The following FUBP3 variants were observed in gnomAD, a reference collection of about 807,000 sequenced individuals.
FUBP3 encodes far upstream element binding protein 3.
FUBP3 carries 28 observed loss-of-function variants against 85.6 expected under a neutral mutation model. The observed-to-expected ratio is 0.33, with a 90% confidence interval of 0.24 to 0.45. The LOEUF (loss-of-function observed/expected upper bound fraction) is 0.45. FUBP3 is among the 20% of genes least tolerant of loss of function. The probability of loss-of-function intolerance (pLI) is 1.00; values close to 1 mark genes in which losing one functional copy is unlikely to be tolerated. For missense variants in FUBP3, 583 were observed against 755.1 expected, an observed-to-expected ratio of 0.77 and a Z score of 2.67; for synonymous variants, 271 against 271.4, an observed-to-expected ratio of 1.00 and a Z score of 0.01.
chr9:130,589,703 A>ATT lies in FUBP3; in HGVS notation c.85-5779_85-5778insTT, dbSNP rs1441029705. Among the ~76,000 whole-genome samples, 52 of 28,576 alleles carry ATT rather than the reference A, an allele frequency of 1.8e-3. 1 individual carries two copies. Among genetic ancestry groups the ATT allele is most frequent in the East Asian group, 9.3e-3 (7 of 752 alleles). 18.7% of individuals were successfully genotyped at this position (28,576 alleles called of 152,430 possible). A position where few individuals can be genotyped will look rare whatever the true frequency, so the allele number is the denominator to read the frequency against. On this transcript the variant is annotated intron_variant, in intron 1 of 18. Transcript: ENST00000319725. ...TATATATATATATATATATATATAT[A>ATT]TATTTTTTTTTTTTTTTTTTTTTTT...
intron 12 of FUBP3, among the ~76,000 whole-genome samples, chr9:130,629,516 C>T (rs567859554): frequency 6.6e-6 from 1 of 152,310 alleles, no homozygotes; most frequent in African/African-American, 2.4e-5. Context: ...CCTTGCAAGA[C>T]GCCCTTGTGT....
At chr9:130,631,295 T>C in intron 13 of FUBP3, 1 of 1,370,664 alleles carries the variant, frequency 7.3e-7, no homozygotes, top group Non-Finnish European at 9.4e-7. Flanking sequence ...GTCAAGCAGG[T>C]TGGTCCCTAC....
intron 1 of FUBP3, among the ~76,000 whole-genome samples, chr9:130,595,187 T>TTGC (rs1173102165): frequency 7.0e-6 from 1 of 143,134 alleles, no homozygotes; most frequent in African/African-American, 2.6e-5. Context: ...GATCATGCCA[T>TTGC]TGCACTCCAG....
In FUBP3 at chr9:130,612,116, A is replaced by G. The variant is rs967000847; in HGVS notation, c.225-340A>G. On this transcript the variant is annotated intron_variant, in intron 3 of 18. Transcript: ENST00000319725. The surrounding 1 kb of genome is among the most constrained non-coding windows in gnomAD (Gnocchi z 4.1). The stretch of plus-strand genomic sequence containing the variant: ...TTCAGTGACCTGGGATTGATGGCCC[A>G]TTGGTTAGAGAGCACCTAACCAGGC... Among the ~76,000 whole-genome samples, 2 of 152,236 alleles carry G rather than the reference A, an allele frequency of 1.3e-5. No homozygotes were observed.
At position 130,635,857 on chromosome 9, in the gene FUBP3, C is replaced by A; in HGVS notation, c.1583-142C>A. 1.2e-6 allele frequency: 1 copy of A among 806,536 alleles called. No individual in the cohort carries two copies. Among genetic ancestry groups the A allele is most frequent in the Non-Finnish European group, 2.0e-6 (1 of 505,258 alleles). 50.0% of individuals were successfully genotyped at this position (806,536 alleles called of 1,614,324 possible). Reference sequence around the variant, plus strand: ...CCTTTTGTAGCAAGCGCTCCTGCAACACCAGCCTCACCTCACTGCCTCCCA... The same window carrying A: ...CCTTTTGTAGCAAGCGCTCCTGCAAAACCAGCCTCACCTCACTGCCTCCCA... On this transcript the variant is annotated intron_variant, in intron 17 of 18. Transcript: ENST00000319725. The surrounding 1 kb of genome is among the most constrained non-coding windows in gnomAD (Gnocchi z 4.3).
chr9:130,619,625 T>C (rs1829652852), intron 8 of FUBP3, among the ~76,000 whole-genome samples: 2 of 152,220 alleles, frequency 1.3e-5, no homozygotes, highest in African/African-American at 4.8e-5. Flanking sequence ...AGTTCTCACA[T>C]TCCCTTGAGT....
chr9:130,630,374 C>G (rs1460712894), intron 12 of FUBP3, among the ~76,000 whole-genome samples: 2 of 152,248 alleles, frequency 1.3e-5, no homozygotes, highest in African/African-American at 4.8e-5. Flanking sequence ...GGAGGTTTCA[C>G]ATGGCATCTG....
intron 1 of FUBP3, among the ~76,000 whole-genome samples, chr9:130,587,283 T>G (rs1830395367): frequency 6.6e-6 from 1 of 152,124 alleles, no homozygotes; most frequent in Admixed American, 6.6e-5. Context: ...CATGATGGTC[T>G]CAATCTCCTG....
chr9:130,625,871 G>A (rs1011493443), intron 11 of FUBP3, among the ~76,000 whole-genome samples: 16 of 152,134 alleles, frequency 1.1e-4, no homozygotes, highest in Non-Finnish European at 1.8e-4. Context: ...AGTAAAATCC[G>A]TTTATCCTTC....
rs1832034881 is a variant in FUBP3, at chr9:130,616,882, A to AC, written c.567+365_567+366insC. Among the ~76,000 whole-genome samples, 1 of 152,202 alleles carries AC rather than the reference A, an allele frequency of 6.6e-6. No homozygotes were observed. The highest frequency in any genetic ancestry group is 2.4e-5 in the African/African-American group (1 of 41,450). On this transcript the variant is annotated intron_variant, in intron 7 of 18. Transcript: ENST00000319725. The surrounding 1 kb of genome is among the most constrained non-coding windows in gnomAD (Gnocchi z 4.7). ...ACCCAGCATTCTTCCTCACTGATTGATCTTAAATGTGCTCATTTACTTTTT... is the reference window on the plus strand; with the variant it reads ...ACCCAGCATTCTTCCTCACTGATTGACTCTTAAATGTGCTCATTTACTTTTT...
intron 9 of FUBP3, among the ~76,000 whole-genome samples, chr9:130,621,673 G>C (rs1004186577): frequency 2.6e-5 from 4 of 151,044 alleles, no homozygotes; most frequent in Admixed American, 2.6e-4. Flanking sequence ...TTGGGAGGCA[G>C]AGGCGGGTGG....
At chr9:130,592,426 C>T (rs1300799158) in intron 1 of FUBP3, among the ~76,000 whole-genome samples, 1 of 152,194 alleles carries the variant, frequency 6.6e-6, no homozygotes, top group Non-Finnish European at 1.5e-5. Context: ...TGGTAGATTG[C>T]CAAGCCCTGG....
chr9:130,634,748 C>T lies in FUBP3; in HGVS notation c.1582+10C>T, dbSNP rs115439757. Reference sequence around the variant, plus strand: ...TATTACAAAAAACAGAGTGAGTGCCCGGCCCTCCTAACCTGTGGCAGCACA... The same window carrying T: ...TATTACAAAAAACAGAGTGAGTGCCTGGCCCTCCTAACCTGTGGCAGCACA... On this transcript the variant is annotated intron_variant, in intron 17 of 18. Transcript: ENST00000319725. The T allele has an allele frequency of 4.6e-4, 738 of 1,607,050 alleles. 1 individual carries two copies. In the African/African-American group the frequency reaches 8.9e-3, roughly 19 times the overall value.
Position 130,631,924 on chromosome 9 carries a change from T to C in FUBP3, c.1353-18T>C. The C allele has an allele frequency of 6.3e-7, 1 of 1,592,414 alleles. No individual in the cohort carries two copies. Among genetic ancestry groups the C allele is most frequent in the Non-Finnish European group, 8.6e-7 (1 of 1,160,180 alleles). ...GTTGTGAGGCGCTCAGTCTGTTGTT[T>C]CTTTTACCTTTTCCCAGTACCTTTC... is the stretch of plus-strand genomic sequence containing the variant. On this transcript the variant is annotated intron_variant, in intron 14 of 18. Transcript: ENST00000319725.
intron 1 of FUBP3, among the ~76,000 whole-genome samples, chr9:130,583,768 G>A (rs1830228723): frequency 6.6e-6 from 1 of 152,200 alleles, no homozygotes; most frequent in Admixed American, 6.5e-5. Context: ...GCCACCACAT[G>A]TTAATGGAAG....
chr9:130,611,879 T>C (rs1831762909), intron 3 of FUBP3, among the ~76,000 whole-genome samples: 1 of 152,124 alleles, frequency 6.6e-6, no homozygotes, highest in Non-Finnish European at 1.5e-5. Flanking sequence ...GAGGTAATTA[T>C]TCTGTTCTGG....
At chr9:130,597,191 T>C (rs1417913560) in intron 2 of FUBP3, among the ~76,000 whole-genome samples, 1 of 152,220 alleles carries the variant, frequency 6.6e-6, no homozygotes, top group Non-Finnish European at 1.5e-5. Context: ...CTTAACATAA[T>C]GATCTCCAGC....
intron 1 of FUBP3, among the ~76,000 whole-genome samples, chr9:130,590,286 G>C (rs1830568540): frequency 6.6e-6 from 1 of 152,118 alleles, no homozygotes; most frequent in Admixed American, 6.6e-5. Context: ...AGACACCAAG[G>C]AGCAAGGCTC....
chr9:130,631,745 G>A, intron 14 of FUBP3, 115 bp downstream of exon 14: 2 of 905,142 alleles, frequency 2.2e-6, no homozygotes. Flanking sequence ...CTGGGCGTGG[G>A]CAGGACTCGT....
Sources: gnomAD v4.1 joint callset for allele counts (sites outside exome capture counted in the v4.1 genomes callset) on GRCh38, gnomAD v4.1.1 for gene constraint, Gnocchi (gnomAD v3.1) non-coding constraint, MANE v1.5 for transcripts, NCBI Gene and HGNC (gene_info 2026-07-23, HGNC 2026-07-21) for gene names.